Variants in EIF6 observed in about 807,000 individuals in gnomAD.
The protein encoded by EIF6 is B4 integrin interactor.
Under a neutral mutation model 25.5 loss-of-function variants are expected in EIF6, and 10 were observed. The observed-to-expected ratio is 0.39, with a 90% CI of 0.24 to 0.66. The LOEUF is 0.66. Ranked by LOEUF, EIF6 falls within the 30% of genes least tolerant of loss-of-function variation. EIF6 has a pLI of 0.45. For synonymous variants in EIF6, 122 were observed against 122.6 expected (o/e 1.00, Z 0.03); for missense variants, 246 against 315.4 (o/e 0.78, Z 1.67).
chr20:35,283,611 G>C (rs2060795669), intron 3 of EIF6, among the ~76,000 whole-genome samples: 1 of 152,118 alleles, frequency 6.6e-6, no homozygotes, highest in Non-Finnish European at 1.5e-5. Flanking sequence ...GCCAGGCTGG[G>C]CAACACAGGG....
At chr20:35,283,730 G>C (rs961692588) in intron 3 of EIF6, among the ~76,000 whole-genome samples, 4 of 151,384 alleles carry the variant, frequency 2.6e-5, no homozygotes, top group African/African-American at 9.7e-5. Context: ...AGCCTAAGAA[G>C]TTGAGGATGC....
chr20:35,280,410 G>C (rs1207795792), intron 4 of EIF6, among the ~76,000 whole-genome samples: 1 of 152,122 alleles, frequency 6.6e-6, no homozygotes, highest in Admixed American at 6.5e-5. Context: ...CACCTATCCT[G>C]GCCCAGGATG....
chr20:35,281,251 T>C (rs1347228603), intron 3 of EIF6, among the ~76,000 whole-genome samples: 2 of 151,564 alleles, frequency 1.3e-5, no homozygotes, highest in Non-Finnish European at 2.9e-5. Flanking sequence ...CCAGGCGTGG[T>C]GGCGGGCGCC....
intron 3 of EIF6, 133 bp downstream of exon 3, chr20:35,284,042 TG>T: frequency 8.5e-7 from 1 of 1,173,714 alleles, no homozygotes; most frequent in Non-Finnish European, 1.2e-6. Context: ...ACGCTTGGCC[TG>T]AGAGATTCTA....
chr20:35,280,744 C>G lies in EIF6; in HGVS notation c.279G>C (p.Gln93His). Reference sequence around the variant, plus strand: ...AGAGCCGCTCCTCCACCCGCCTAATCTGCACTGTGTCTGGGAGGCTGTTGC... The same window carrying G: ...AGAGCCGCTCCTCCACCCGCCTAATGTGCACTGTGTCTGGGAGGCTGTTGC... Reference protein sequence around the residue: ...HIRNSLPDTVQIRRVEERLSA... With the variant: ...HIRNSLPDTVHIRRVEERLSA... Residue 93 changes from glutamine (Q) to histidine (H), a missense_variant, in exon 4 of 7, where the codon CAG becomes CAC. Coordinates refer to ENST00000374450, the MANE Select transcript of EIF6 (RefSeq NM_002212.4). 6.2e-7 allele frequency: 1 copy of G among 1,614,156 alleles called. No homozygotes were observed.
rs1159190795 is a variant in EIF6 at position 35,280,215 on chromosome 20, C to G, written c.370-97G>C. On this transcript the variant is annotated intron_variant, in intron 4 of 6. Coordinates refer to ENST00000374450, the MANE Select transcript of EIF6 (RefSeq NM_002212.4). ...AGCATCCAGGCCTTGGCTCCCTGAG[C>G]CCCTCATTTCTCCTCTGTACCTCAT... 22 of 1,330,672 alleles carry G rather than the reference C, an allele frequency of 1.7e-5. No individual in the cohort carries two copies. The Admixed American group carries it at 3.1e-4, about 19-fold the overall frequency. The allele number at this position is 1,330,672 out of a possible 1,614,324, so 82.4% of individuals were successfully genotyped here.
In EIF6 at chr20:35,279,747, C is replaced by T. The variant is rs751980206; in HGVS notation, c.547G>A (p.Ala183Thr). 6.2e-7 allele frequency: 1 copy of T among 1,614,046 alleles called. No homozygotes were observed. Among genetic ancestry groups the T allele is most frequent in the Admixed American group, 1.7e-5 (1 of 60,004 alleles). ...TCACTGCCTCGGTTCACAGTCCCCG[C>T]CTGCCAAGGGATGGGCTCAATGTGA... is the stretch of plus-strand genomic sequence containing the variant. ...LSSLLQVPLV[A>T]GTVNRGSEVI... is the part of the protein sequence containing the mutation. The change falls in exon 6 of 7, where the codon GCG becomes ACG. Residue 183 changes from alanine (A) to threonine (T), a missense_variant and splice_region_variant. Transcript: ENST00000374450.
chr20:35,280,447 A>G (rs1271428258), intron 4 of EIF6, among the ~76,000 whole-genome samples: 5 of 152,190 alleles, frequency 3.3e-5, no homozygotes, highest in Middle Eastern at 6.8e-3. Context: ...AATCTCCCCA[A>G]TCATGAAGGA....
chr20:35,280,559 G>C (rs2146261472), intron 4 of EIF6, 95 bp downstream of exon 4: 1 of 1,458,578 alleles, frequency 6.9e-7, no homozygotes, highest in Non-Finnish European at 9.3e-7. Flanking sequence ...AAAACCACAG[G>C]AGAGACCCCT....
chr20:35,283,872 A>C (rs2425047), intron 3 of EIF6, among the ~76,000 whole-genome samples: 35,096 of 152,006 alleles, frequency 0.23, 4,215 homozygotes, highest in South Asian at 0.35. Flanking sequence ...TGAGTCACTT[A>C]GGTCAAGTCT....
chr20:35,283,294 A>AAAT (rs978287449), intron 3 of EIF6, among the ~76,000 whole-genome samples: 1 of 143,374 alleles, frequency 7.0e-6, no homozygotes, highest in Non-Finnish European at 1.5e-5. Context: ...TCTCAAAAAA[A>AAAT]AATAATAATA....
chr20:35,280,905 C>CCT, intron 3 of EIF6, 76 bp from the exon 4 acceptor site: 4 of 1,508,138 alleles, frequency 2.7e-6, no homozygotes, highest in Non-Finnish European at 1.8e-6. Flanking sequence ...CCACTCAGCC[C>CCT]AGCCCAATCA....
rs746947607 is a variant in EIF6, at chr20:35,280,706, T to C, written c.317A>G (p.Asn106Ser). The C allele has an allele frequency of 1.1e-5, 18 of 1,613,718 alleles. No homozygotes were observed. Among genetic ancestry groups the C allele is most frequent in the Admixed American group, 8.3e-5 (5 of 59,960 alleles). The change falls in exon 4 of 7, where the codon AAT becomes AGT. Residue 106 changes from asparagine (N) to serine (S), a missense_variant. By Grantham distance (46) the Asn-to-Ser change is conservative. Coordinates refer to ENST00000374450, the MANE Select transcript of EIF6 (RefSeq NM_002212.4). ...RVEERLSALG[N>S]VTTCNDYVAL... ...CACGTAGTCATTGCAGGTGGTGACA[T>C]TGCCCAAGGCTGAGAGCCGCTCCTC...
At position 35,279,825 on chromosome 20, in the gene EIF6, C is replaced by T; in HGVS notation, c.547-78G>A. 4.4e-6 allele frequency: 7 copies of T among 1,595,788 alleles called. No homozygotes were observed. The South Asian group carries it at 7.9e-5, about 18-fold the overall frequency. The stretch of plus-strand genomic sequence containing the variant: ...CAATGAAGACTCTCCCCAAACCCTG[C>T]TCCTCCCTGACCTGCAGCCCCAGTC... On this transcript the variant is annotated intron_variant, in intron 5 of 6. Transcript: ENST00000374450.
intron 1 of EIF6, 57 bp downstream of exon 1, chr20:35,284,669 C>G (rs1426079798): frequency 1.5e-6 from 1 of 683,634 alleles, no homozygotes; most frequent in Non-Finnish European, 2.4e-6. Flanking sequence ...CTGGCCCCCA[C>G]CCCTCCCGAC....
rs201497017 is a variant in EIF6 at position 35,280,125 on chromosome 20, A to G, written c.370-7T>C. The G allele has an allele frequency of 1.2e-3, 1,883 of 1,613,542 alleles. 6 individuals are homozygous for G. Among genetic ancestry groups the G allele is most frequent in the Non-Finnish European group, 1.2e-3 (1,448 of 1,179,646 alleles). Reference sequence around the variant, plus strand: ...CCAGAATTTCTTCTGTCTCCTGTCAATCAAAGATATTGTGTTCAGGGCTCA... The same window carrying G: ...CCAGAATTTCTTCTGTCTCCTGTCAGTCAAAGATATTGTGTTCAGGGCTCA... On this transcript the variant is annotated splice_region_variant and splice_polypyrimidine_tract_variant and intron_variant, in intron 4 of 6. Transcript: ENST00000374450.
rs1600819055 is a variant in EIF6, at chr20:35,279,361, A to G, written c.729-155T>C. On this transcript the variant is annotated intron_variant, in intron 6 of 6. Transcript: ENST00000374450. ...GTATCCTAGCCCTGAAAAACCACAA[A>G]GATGAGGATTAGCAGATGCTCAAGA... 2.0e-5 allele frequency among the ~76,000 whole-genome samples: 3 copies of G among 152,166 alleles called. No homozygotes were observed. The East Asian group carries it at 5.8e-4, about 29-fold the overall frequency.
In EIF6 at chr20:35,280,822, C is replaced by G. The variant is rs140467962; in HGVS notation, c.201G>C (p.Arg67Ser). 6.2e-7 allele frequency: 1 copy of G among 1,613,824 alleles called. No individual in the cohort carries two copies. Among genetic ancestry groups the G allele is most frequent in the Non-Finnish European group, 8.5e-7 (1 of 1,179,920 alleles). The change falls in exon 4 of 7, where the codon AGG becomes AGC. Residue 67 changes from arginine to serine, a missense_variant. By Grantham distance (110) the Arg-to-Ser change is moderately radical. Coordinates refer to ENST00000374450, the MANE Select transcript of EIF6 (RefSeq NM_002212.4). ...RIIGRMCVGNRHGLLVPNNTT... is the reference protein window; with the variant it reads ...RIIGRMCVGNSHGLLVPNNTT... ...TATTGTTGGGTACCAGGAGACCGTG[C>G]CTGTTCCCTGGAGAAACCCAAATTA...
At chr20:35,284,681 C>G in intron 1 of EIF6, 45 bp downstream of exon 1, 1 of 654,732 alleles carries the variant, frequency 1.5e-6, no homozygotes, top group Non-Finnish European at 2.6e-6. Flanking sequence ...CCTCCCGACC[C>G]AGGACCGGAG....
Sources: allele counts gnomAD v4.1 joint callset (sites outside exome capture counted in the v4.1 genomes callset), GRCh38; gene constraint gnomAD v4.1.1; transcripts MANE v1.5; gene names NCBI Gene and HGNC (gene_info 2026-07-23, HGNC 2026-07-21).